CLASP2: variants seen among roughly 807,000 people sequenced by gnomAD.
CLASP2 encodes the protein CLIP-associating protein 2.
A neutral mutation model predicts 194.4 loss-of-function variants in CLASP2; 47 were observed. That is an observed-to-expected ratio of 0.24 (90% CI 0.19 to 0.31). The LOEUF is 0.31. Among genes scored for constraint, CLASP2 ranks in the 10% least tolerant of loss-of-function variants. The probability of loss-of-function intolerance (pLI) is 1.00; values close to 1 mark genes in which losing one functional copy is unlikely to be tolerated. For missense variants in CLASP2, 1,445 were observed against 1,823.6 expected, an observed-to-expected ratio of 0.79 and a Z score of 3.78; for synonymous variants, 619 against 633.5, an observed-to-expected ratio of 0.98 and a Z score of 0.34.
chr3:33,708,345 G>C (rs947075043), intron 1 of CLASP2, among the ~76,000 whole-genome samples: 1 of 146,630 alleles, frequency 6.8e-6, no homozygotes, highest in Non-Finnish European at 1.5e-5. Flanking sequence ...GTCTTTCTGT[G>C]TCTGGCTTAT....
At chr3:33,526,060 GGCT>G (rs2054468740) in intron 34 of CLASP2, among the ~76,000 whole-genome samples, 1 of 152,114 alleles carries the variant, frequency 6.6e-6, no homozygotes, top group South Asian at 2.1e-4. Context: ...AGCGTGGGCA[GGCT>G]GCTGCTGCTG....
At chr3:33,627,651 T>C (rs887869074) in intron 9 of CLASP2, among the ~76,000 whole-genome samples, 5 of 152,128 alleles carry the variant, frequency 3.3e-5, no homozygotes, top group Admixed American at 6.6e-5. Flanking sequence ...CCAAAATAGA[T>C]AGACGTGGTC....
At chr3:33,710,458 A>G (rs2154357367) in intron 1 of CLASP2, among the ~76,000 whole-genome samples, 1 of 152,330 alleles carries the variant, frequency 6.6e-6, no homozygotes, top group African/African-American at 2.4e-5. Context: ...CTATAGTTTC[A>G]GCTACTCAGA....
chr3:33,646,626 C>A (rs1283605622), intron 7 of CLASP2, among the ~76,000 whole-genome samples: 1 of 152,014 alleles, frequency 6.6e-6, no homozygotes, highest in Non-Finnish European at 1.5e-5. Flanking sequence ...TCTGTTCCTA[C>A]ACACACACAA....
intron 8 of CLASP2, among the ~76,000 whole-genome samples, chr3:33,636,094 T>C (rs1027588357): frequency 6.6e-6 from 1 of 152,126 alleles, no homozygotes; most frequent in Non-Finnish European, 1.5e-5. Context: ...GTGGGAGGTA[T>C]CCTTTTGAAT....
chr3:33,542,286 A>T (rs2058482893), intron 32 of CLASP2, among the ~76,000 whole-genome samples: 1 of 150,132 alleles, frequency 6.7e-6, no homozygotes, highest in Admixed American at 6.7e-5. Context: ...CCTCAGAGGT[A>T]TATATTCACT....
At chr3:33,500,865 G>A (rs1323197496) in intron 38 of CLASP2, among the ~76,000 whole-genome samples, 5 of 152,180 alleles carry the variant, frequency 3.3e-5, no homozygotes, top group Non-Finnish European at 5.9e-5. Context: ...ACAATCAGAA[G>A]TTATCTTCAC....
intron 1 of CLASP2, among the ~76,000 whole-genome samples, chr3:33,706,010 T>C (rs921066133): frequency 1.3e-5 from 2 of 152,158 alleles, no homozygotes; most frequent in Non-Finnish European, 2.9e-5. Flanking sequence ...CCCAGAACTT[T>C]GGGAAGTCAA....
intron 37 of CLASP2, among the ~76,000 whole-genome samples, chr3:33,508,735 T>C (rs1370309029): frequency 6.6e-6 from 1 of 152,228 alleles, no homozygotes; most frequent in African/African-American, 2.4e-5. Flanking sequence ...ATAGGATAGG[T>C]AGTCTATGAG....
At chr3:33,536,195 G>C (rs952639701) in intron 33 of CLASP2, among the ~76,000 whole-genome samples, 14 of 151,060 alleles carry the variant, frequency 9.3e-5, no homozygotes, top group Non-Finnish European at 1.9e-4. Flanking sequence ...ATACATCAGT[G>C]AGCAAAAGAG....
intron 13 of CLASP2, 39 bp from the exon 14 acceptor site, chr3:33,608,665 T>C (rs759316593): frequency 7.1e-7 from 1 of 1,399,588 alleles, no homozygotes; most frequent in East Asian, 2.3e-5. Context: ...AATGTTGTAT[T>C]GAGAAATACA....
intron 15 of CLASP2, 80 bp downstream of exon 15, chr3:33,607,304 C>T: frequency 1.0e-6 from 1 of 959,466 alleles, no homozygotes; most frequent in South Asian, 1.9e-5. Flanking sequence ...TACTTGGACA[C>T]TTCTGATATT....
intron 30 of CLASP2, among the ~76,000 whole-genome samples, chr3:33,547,039 T>C (rs2059257213): frequency 6.6e-6 from 1 of 152,232 alleles, no homozygotes; most frequent in Admixed American, 6.5e-5. Flanking sequence ...TTTTTACTAT[T>C]GATATGGTCT....
In CLASP2 at chr3:33,619,686, C is replaced by A; in HGVS notation, c.1234G>T (p.Val412Leu). ...NKFDHGAEAI[V>L]PTLFNLVPNS... ...GGGACGAGATTAAAAAGTGTAGGTACAATGGCTTCAGCGCCATGATCAAAC... is the reference window on the plus strand; with the variant it reads ...GGGACGAGATTAAAAAGTGTAGGTAAAATGGCTTCAGCGCCATGATCAAAC... The change falls in exon 12 of 39, where the codon GTA becomes TTA. Residue 412 changes from valine (V) to leucine (L), a missense_variant. By Grantham distance (32) the Val-to-Leu change is conservative (BLOSUM62 1). Coordinates refer to ENST00000682230, the MANE Select transcript of CLASP2 (RefSeq NM_001365631.1). 1.3e-6 allele frequency: 2 copies of A among 1,577,640 alleles called. No individual in the cohort carries two copies. Among genetic ancestry groups the A allele is most frequent in the Non-Finnish European group, 1.7e-6 (2 of 1,161,130 alleles).
chr3:33,620,643 A>T (rs960607190), intron 11 of CLASP2, among the ~76,000 whole-genome samples: 1 of 152,192 alleles, frequency 6.6e-6, no homozygotes, highest in Non-Finnish European at 1.5e-5. Flanking sequence ...TTTAAAGAGC[A>T]TGAGTTTTAC....
chr3:33,604,320 CTTTTT>C (rs199958865), intron 16 of CLASP2, 111 bp from the exon 17 acceptor site: 7 of 572,680 alleles, frequency 1.2e-5, no homozygotes, highest in African/African-American at 6.2e-5. Context: ...TTTCTTTTTT[CTTTTT>C]TTTTTTTTTT....
intron 25 of CLASP2, 24 bp downstream of exon 25, chr3:33,573,086 T>A (rs768688019): frequency 9.9e-6 from 16 of 1,611,430 alleles, no homozygotes; most frequent in Non-Finnish European, 1.4e-5. Flanking sequence ...GATAGTAAAA[T>A]CATTTTAAGA....
At chr3:33,672,388 T>A (rs1052573199) in intron 6 of CLASP2, among the ~76,000 whole-genome samples, 12 of 152,290 alleles carry the variant, frequency 7.9e-5, no homozygotes, top group African/African-American at 2.4e-4. Context: ...GAGGGTCCTG[T>A]CTGTTAGAAG....
Position 33,688,279 on chromosome 3 carries a change from G to GT in CLASP2, c.467dup (p.Asn156LysfsTer41). On this transcript the variant is annotated frameshift_variant, in exon 4 of 39. Coordinates refer to ENST00000682230, the MANE Select transcript of CLASP2 (RefSeq NM_001365631.1). LOFTEE classifies it high-confidence loss of function. ...TTTTCAGTAATCATAAAACTTACAT[G>GT]TTTAAGGTTTCAATAAGACACAGAC... is the stretch of plus-strand genomic sequence containing the variant. The GT allele has an allele frequency of 6.4e-7, 1 of 1,559,510 alleles. No individual in the cohort carries two copies. Among genetic ancestry groups the GT allele is most frequent in the Non-Finnish European group, 8.7e-7 (1 of 1,154,288 alleles).
Sources: allele counts gnomAD v4.1 joint callset (sites outside exome capture counted in the v4.1 genomes callset), GRCh38; gene constraint gnomAD v4.1.1; transcripts MANE v1.5; gene names NCBI Gene and HGNC (gene_info 2026-07-23, HGNC 2026-07-21).